Variants in PARN observed in about 807,000 individuals in gnomAD.
PARN encodes poly(A)-specific ribonuclease.
A neutral mutation model predicts 102.8 loss-of-function variants in PARN; 71 were observed. The ratio of observed to expected loss-of-function variants is 0.69; its 90% CI spans 0.57 to 0.84. The LOEUF is 0.84. Among genes scored for constraint, PARN ranks in the 40% least tolerant of loss-of-function variants. The probability of loss-of-function intolerance (pLI) is 0.00; values close to 1 mark genes in which losing one functional copy is unlikely to be tolerated. For missense variants in PARN, 782 were observed against 760.9 expected (o/e 1.03, Z -0.33); for synonymous variants, 261 against 252.9 (o/e 1.03, Z -0.30).
intron 6 of PARN, among the ~76,000 whole-genome samples, chr16:14,617,110 C>T (rs1344130717): frequency 6.7e-6 from 1 of 149,986 alleles, no homozygotes; most frequent in Non-Finnish European, 1.5e-5. Flanking sequence ...GTAGGCCAGG[C>T]GTGGTGGCTC....
intron 6 of PARN, among the ~76,000 whole-genome samples, chr16:14,615,610 A>G (rs1971843833): frequency 6.6e-6 from 1 of 152,158 alleles, no homozygotes; most frequent in Non-Finnish European, 1.5e-5. Flanking sequence ...ACAATTAAAA[A>G]ACAATATGGG....
intron 18 of PARN, among the ~76,000 whole-genome samples, chr16:14,570,860 C>A (rs957356177): frequency 1.3e-5 from 2 of 149,062 alleles, no homozygotes; most frequent in South Asian, 2.1e-4. Context: ...TGGTGGCATG[C>A]GCCTTTGGTA....
At chr16:14,591,386 T>C (rs535130717) in intron 13 of PARN, among the ~76,000 whole-genome samples, 1 of 114,888 alleles carries the variant, frequency 8.7e-6, no homozygotes, top group South Asian at 2.6e-4. Context: ...TAAGACTCCA[T>C]CTCTAAAAAA....
chr16:14,630,234 G>T lies in PARN; in HGVS notation c.-109C>A, dbSNP rs932981140. 2.3e-4 allele frequency: 225 copies of T among 978,850 alleles called. No individual in the cohort carries two copies. The highest frequency in any genetic ancestry group is 3.3e-4 in the Non-Finnish European group (216 of 660,352). 60.6% of individuals were successfully genotyped at this position (978,850 alleles called of 1,614,324 possible). On this transcript the variant is annotated 5_prime_UTR_variant, in exon 1 of 24. Transcript: ENST00000437198. ...GGCAGTAGCTGAGGCAGCCGCAGCG[G>T]TGACGCCGGCCGCGACTTCCGGAAA...
intron 23 of PARN, among the ~76,000 whole-genome samples, chr16:14,438,443 G>GGC (rs1283558570): frequency 1.4e-5 from 2 of 143,792 alleles, no homozygotes; most frequent in Non-Finnish European, 3.1e-5. Context: ...CCATTAGTTG[G>GGC]GGGGGGGGGT....
intron 22 of PARN, among the ~76,000 whole-genome samples, chr16:14,451,891 AATAC>A (rs1961477681): frequency 1.7e-5 from 2 of 116,972 alleles, no homozygotes; most frequent in African/African-American, 3.1e-5. Context: ...AAAAAAAAAA[AATAC>A]AAAAAATTAG....
At position 14,596,050 on chromosome 16, in the gene PARN, A is replaced by G. The variant is rs1040330619; in HGVS notation, c.841-2672T>C. Reference sequence around the variant, plus strand: ...TGTGTGTGTACATGCCTAGGTCTACATACATATGGTTCTTAGTTCTGTCCA... The same window carrying G: ...TGTGTGTGTACATGCCTAGGTCTACGTACATATGGTTCTTAGTTCTGTCCA... On this transcript the variant is annotated intron_variant, in intron 12 of 23. Transcript: ENST00000437198. Among the ~76,000 whole-genome samples the G allele has an allele frequency of 2.6e-5, 4 of 152,330 alleles. No individual in the cohort carries two copies. In the South Asian group the frequency reaches 8.3e-4, roughly 32 times the overall value.
intron 21 of PARN, among the ~76,000 whole-genome samples, chr16:14,491,229 C>T (rs1040368246): frequency 2.0e-5 from 3 of 150,418 alleles, no homozygotes; most frequent in Non-Finnish European, 4.4e-5. Flanking sequence ...AACCCTTCGG[C>T]ATCCAAGATA....
intron 18 of PARN, among the ~76,000 whole-genome samples, chr16:14,571,933 A>C (rs1409904353): frequency 6.6e-6 from 1 of 152,232 alleles, no homozygotes; most frequent in Non-Finnish European, 1.5e-5. Flanking sequence ...GAAATCAATC[A>C]AACGGCTTTT....
intron 5 of PARN, among the ~76,000 whole-genome samples, chr16:14,619,462 T>C (rs1972148627): frequency 6.6e-6 from 1 of 151,714 alleles, no homozygotes; most frequent in Admixed American, 6.6e-5. Flanking sequence ...AATAAAATTA[T>C]TTTAAAATAA....
rs144528413 is a variant in PARN, at chr16:14,571,064, A to G, written c.1262+9810T>C. Among the ~76,000 whole-genome samples, 7 of 152,244 alleles carry G rather than the reference A, an allele frequency of 4.6e-5. No individual in the cohort carries two copies. In the East Asian group the frequency reaches 9.6e-4, roughly 21 times the overall value. The stretch of plus-strand genomic sequence containing the variant: ...GCTTCTAATAGTTCACTTAGAAGAT[A>G]TATTTCTTTACTTCCTTTTCCCAAT... On this transcript the variant is annotated intron_variant, in intron 18 of 23. Coordinates refer to ENST00000437198, the MANE Select transcript of PARN (RefSeq NM_002582.4).
intron 21 of PARN, among the ~76,000 whole-genome samples, chr16:14,546,855 C>T (rs1421780997): frequency 1.3e-5 from 2 of 152,084 alleles, no homozygotes; most frequent in Non-Finnish European, 2.9e-5. Flanking sequence ...AATGCCAGCA[C>T]TTTGGGAGGT....
intron 21 of PARN, among the ~76,000 whole-genome samples, chr16:14,524,623 A>G (rs529153298): frequency 3.9e-5 from 6 of 152,320 alleles, no homozygotes; most frequent in African/African-American, 1.4e-4. Context: ...TACTTAAAAT[A>G]TGTTACTGAA....
At chr16:14,457,525 C>T (rs965380485) in intron 22 of PARN, among the ~76,000 whole-genome samples, 2 of 151,964 alleles carry the variant, frequency 1.3e-5, no homozygotes, top group Admixed American at 6.6e-5. Flanking sequence ...TGGGGCCAGG[C>T]GCAGTGGCTC....
At chr16:14,494,182 C>G (rs1014977668) in intron 21 of PARN, among the ~76,000 whole-genome samples, 2 of 152,172 alleles carry the variant, frequency 1.3e-5, no homozygotes, top group South Asian at 2.1e-4. Context: ...GGTCCTGGAA[C>G]CAGTCTCTCA....
intron 5 of PARN, among the ~76,000 whole-genome samples, chr16:14,623,357 T>C: frequency 6.6e-6 from 1 of 151,386 alleles, no homozygotes; most frequent in Non-Finnish European, 1.5e-5. Context: ...CTACTAAAAA[T>C]ACAAAAATTA....
chr16:14,517,919 G>A (rs150576084), intron 21 of PARN, among the ~76,000 whole-genome samples: 51 of 151,992 alleles, frequency 3.4e-4, no homozygotes, highest in African/African-American at 1.1e-3. Flanking sequence ...GATCCACTTC[G>A]GCCTCCCAAA....
intron 5 of PARN, among the ~76,000 whole-genome samples, chr16:14,626,894 G>T (rs1376292186): frequency 6.6e-6 from 1 of 152,060 alleles, no homozygotes; most frequent in African/African-American, 2.4e-5. Flanking sequence ...TGGGATTATA[G>T]GCATGAGCCG....
intron 21 of PARN, among the ~76,000 whole-genome samples, chr16:14,508,169 T>TAGGCAGGC (rs141732478): frequency 9.9e-5 from 15 of 151,796 alleles, no homozygotes; most frequent in Non-Finnish European, 1.5e-4. Flanking sequence ...ACAAATAACA[T>TAGGCAGGC]AGGCAGGCAG....
Sources: gnomAD v4.1 joint callset for allele counts (sites outside exome capture counted in the v4.1 genomes callset) on GRCh38, gnomAD v4.1.1 for gene constraint, MANE v1.5 for transcripts, NCBI Gene and HGNC (gene_info 2026-07-23, HGNC 2026-07-21) for gene names.